RNF212B: variants seen among roughly 807,000 people sequenced by gnomAD.
The protein encoded by RNF212B is E3 ubiquitin-protein ligase RNF212B.
RNF212B carries 52 observed loss-of-function variants against 55.5 expected under a neutral mutation model. That is an observed-to-expected ratio of 0.94 (90% CI 0.75 to 1.18). The LOEUF is 1.18. Among genes scored for constraint, RNF212B ranks in the 50% most tolerant of loss-of-function variants. The pLI is 0.00. For synonymous variants in RNF212B, 99 were observed against 121.4 expected (o/e 0.82, Z 1.21); for missense variants, 289 against 350.4 (o/e 0.82, Z 1.40).
At chr14:23,231,156 G>T (rs1207273506) in intron 2 of RNF212B, among the ~76,000 whole-genome samples, 2 of 152,140 alleles carry the variant, frequency 1.3e-5, no homozygotes, top group African/African-American at 2.4e-5. Context: ...TGAAAAAATA[G>T]TTGGAATTTT....
chr14:23,244,654 C>T (rs544079561), intron 4 of RNF212B, among the ~76,000 whole-genome samples: 9 of 152,254 alleles, frequency 5.9e-5, no homozygotes, highest in Admixed American at 2.0e-4. Context: ...TTAATTTCTA[C>T]GACTAAAGGT....
At chr14:23,216,252 A>G (rs1277740063) in intron 2 of RNF212B, among the ~76,000 whole-genome samples, 2 of 152,174 alleles carry the variant, frequency 1.3e-5, no homozygotes, top group Non-Finnish European at 2.9e-5. Context: ...TTTCAAAAAA[A>G]CAAAAACAAA....
At chr14:23,189,719 G>T (rs1292828266) in intron 1 of RNF212B, among the ~76,000 whole-genome samples, 1 of 152,154 alleles carries the variant, frequency 6.6e-6, no homozygotes, top group Non-Finnish European at 1.5e-5. Flanking sequence ...TGACGTAGGA[G>T]GATTGCTTGA....
rs1392666765 is a variant in RNF212B at position 23,262,635 on chromosome 14, T to C, written c.435-30T>C. 1.9e-6 allele frequency: 3 copies of C among 1,545,982 alleles called. No homozygotes were observed. In the African/African-American group the frequency reaches 4.1e-5, roughly 21 times the overall value. On this transcript the variant is annotated intron_variant, in intron 7 of 14. Transcript: ENST00000430154. Reference sequence around the variant, plus strand: ...GCACTTGACCTCTGCCTAGAGAGATTAGAGCCGCCTCTTTTTTTTTCCCTT... The same window carrying C: ...GCACTTGACCTCTGCCTAGAGAGATCAGAGCCGCCTCTTTTTTTTTCCCTT...
chr14:23,228,474 A>C (rs1469856380), intron 2 of RNF212B, among the ~76,000 whole-genome samples: 1 of 150,222 alleles, frequency 6.7e-6, no homozygotes, highest in Non-Finnish European at 1.5e-5. Context: ...AAAAAAAAAA[A>C]AAAAAAAAAA....
rs143142369 is a variant in RNF212B, at chr14:23,238,700, G to A, written c.-2+645G>A. Among the ~76,000 whole-genome samples the A allele has an allele frequency of 6.5e-3, 975 of 151,086 alleles. 12 individuals carry two copies. The highest frequency in any genetic ancestry group is 0.022 in the African/African-American group (920 of 41,218). On this transcript the variant is annotated intron_variant, in intron 1 of 14. Transcript: ENST00000430154. Reference sequence around the variant, plus strand: ...CTGCAGCGAGCCCTGATCTGCCACTGCACTCCAACCTGGAGACAGAGCCAG... The same window carrying A: ...CTGCAGCGAGCCCTGATCTGCCACTACACTCCAACCTGGAGACAGAGCCAG...
chr14:23,261,680 G>T (rs141730603), intron 7 of RNF212B, among the ~76,000 whole-genome samples: 3 of 152,032 alleles, frequency 2.0e-5, no homozygotes, highest in Non-Finnish European at 4.4e-5. Context: ...TTTTAGTATC[G>T]GCTGGGTGTG....
chr14:23,189,638 A>AC (rs1877926189), intron 1 of RNF212B, among the ~76,000 whole-genome samples: 1 of 151,900 alleles, frequency 6.6e-6, no homozygotes, highest in African/African-American at 2.4e-5. Flanking sequence ...CCTTGTTTCT[A>AC]CTAAAAATTA....
chr14:23,217,147 C>T (rs1178747580), intron 2 of RNF212B, among the ~76,000 whole-genome samples: 1 of 151,868 alleles, frequency 6.6e-6, no homozygotes, highest in East Asian at 1.9e-4. Context: ...AGTCTTAGGC[C>T]TGGCAGAATT....
intron 2 of RNF212B, among the ~76,000 whole-genome samples, chr14:23,195,325 TCA>T (rs1354059990): frequency 1.3e-5 from 2 of 151,692 alleles, no homozygotes; most frequent in Non-Finnish European, 2.9e-5. Flanking sequence ...ATGTAAAGTC[TCA>T]CAGATTTAGA....
intron 2 of RNF212B, among the ~76,000 whole-genome samples, chr14:23,242,081 C>CAAAAAAAAAAAAAAAAAAAA (rs58497672): frequency 3.0e-4 from 11 of 36,640 alleles, no homozygotes; most frequent in Non-Finnish European, 3.9e-4. Context: ...GACTCCGTCT[C>CAAAAAAAAAAAAAAAAAAAA]AAAAAAAAAA....
chr14:23,207,392 G>A (rs1183482819), intron 2 of RNF212B, among the ~76,000 whole-genome samples: 1 of 152,178 alleles, frequency 6.6e-6, no homozygotes, highest in African/African-American at 2.4e-5. Context: ...ATTCCATAAA[G>A]GAGTTACCTG....
At position 23,227,060 on chromosome 14, in the gene RNF212B, T is replaced by A. The variant is rs147952111; in HGVS notation, c.-1-13285T>A. 5.3e-5 allele frequency among the ~76,000 whole-genome samples: 8 copies of A among 152,098 alleles called. No homozygotes were observed. In the East Asian group the frequency reaches 1.5e-3, roughly 29 times the overall value. On this transcript the variant is annotated intron_variant, in intron 2 of 15. Transcript: ENST00000399910. ...TAATGAAATCAGTAATGTCATGAGG[T>A]CTATGGATGGTACCAATGTCAATTT...
At chr14:23,270,547 GC>G (rs1885999995) in intron 13 of RNF212B, 52 bp from the exon 14 acceptor site, 1 of 1,312,328 alleles carries the variant, frequency 7.6e-7, no homozygotes, top group African/African-American at 1.5e-5. Context: ...AAGTAACACT[GC>G]CGAGAAACTG....
intron 2 of RNF212B, among the ~76,000 whole-genome samples, chr14:23,232,670 G>T (rs1379749371): frequency 3.4e-5 from 5 of 146,126 alleles, no homozygotes; most frequent in South Asian, 2.2e-4. Flanking sequence ...CAGGCCAGCC[G>T]CCCCGTCTGG....
At chr14:23,247,121 C>T (rs952978527) in intron 4 of RNF212B, among the ~76,000 whole-genome samples, 6 of 146,996 alleles carry the variant, frequency 4.1e-5, no homozygotes, top group Non-Finnish European at 6.0e-5. Context: ...GCCTGGGCAA[C>T]ACGAGCAAAA....
At chr14:23,264,938 C>T (rs1885575529) in intron 11 of RNF212B, among the ~76,000 whole-genome samples, 1 of 152,004 alleles carries the variant, frequency 6.6e-6, no homozygotes, top group Non-Finnish European at 1.5e-5. Context: ...TCTCCTGCCT[C>T]AGCCTCCCGA....
intron 2 of RNF212B, among the ~76,000 whole-genome samples, chr14:23,223,424 C>T (rs182095471): frequency 4.9e-4 from 74 of 151,712 alleles, no homozygotes; most frequent in Non-Finnish European, 7.7e-4. Flanking sequence ...GATATGATCT[C>T]GGCTCACTGC....
At chr14:23,208,757 G>GGT (rs1182142805) in intron 2 of RNF212B, among the ~76,000 whole-genome samples, 3 of 98,110 alleles carry the variant, frequency 3.1e-5, no homozygotes, top group Non-Finnish European at 5.4e-5. Flanking sequence ...GCTGGTTGCC[G>GGT]TTTTTTTTTT....
Sources: allele counts gnomAD v4.1 joint callset (sites outside exome capture counted in the v4.1 genomes callset), GRCh38; gene constraint gnomAD v4.1.1; transcripts MANE v1.5; gene names NCBI Gene and HGNC (gene_info 2026-07-23, HGNC 2026-07-21).